Variants in MALRD1 observed in about 807,000 individuals in gnomAD.
MALRD1 encodes the protein MAM and LDL-receptor class A domain-containing protein 1.
A neutral mutation model predicts 242.1 loss-of-function variants in MALRD1; 247 were observed. That is an observed-to-expected ratio of 1.02 (90% confidence interval 0.92 to 1.13). MALRD1 has a LOEUF of 1.13. Among genes scored for constraint, MALRD1 ranks in the 50% most tolerant of loss-of-function variants. MALRD1 has a pLI of 0.00. For synonymous variants in MALRD1, 995 were observed against 866.6 expected (o/e 1.15, Z -2.60); for missense variants, 2,989 against 2,533.1 (o/e 1.18, Z -3.86).
At chr10:19,348,158 G>C (rs1844214789) in intron 25 of MALRD1, 140 bp downstream of exon 25, 2 of 1,200,424 alleles carry the variant, frequency 1.7e-6, no homozygotes, top group South Asian at 3.3e-5. Flanking sequence ...ATATGTGAAG[G>C]GGGGAAAAAA....
chr10:19,094,505 G>C (rs1054141195), intron 4 of MALRD1, among the ~76,000 whole-genome samples: 2 of 150,256 alleles, frequency 1.3e-5, no homozygotes, highest in African/African-American at 4.9e-5. Context: ...ACTCCCTAGT[G>C]AGATGAACCC....
At position 19,065,287 on chromosome 10, in the gene MALRD1, C is replaced by CAAAAAAAAAAA. The variant is rs1197670439; in HGVS notation, c.200-1420_200-1410dup. On this transcript the variant is annotated intron_variant, in intron 1 of 39. Transcript: ENST00000454679. ...GGGCAACAAGAGCAAAACGCTGTCT[C>CAAAAAAAAAAA]AAAAAAAAAAAAAAAAAAAAAAGGA... 2.3e-3 allele frequency among the ~76,000 whole-genome samples: 116 copies of CAAAAAAAAAAA among 50,600 alleles called. 3 individuals carry two copies. In the East Asian group the frequency reaches 0.024, roughly 10 times the overall value. The allele number at this position is 50,600 out of a possible 152,430, so 33.2% of individuals were successfully genotyped here.
At chr10:19,191,918 A>C (rs1414902778) in intron 14 of MALRD1, among the ~76,000 whole-genome samples, 1 of 152,084 alleles carries the variant, frequency 6.6e-6, no homozygotes, top group East Asian at 1.9e-4. Context: ...GAATTGCTTG[A>C]ACCTGGGAAG....
intron 36 of MALRD1, among the ~76,000 whole-genome samples, chr10:19,641,807 C>T (rs575706946): frequency 4.0e-4 from 61 of 152,038 alleles, no homozygotes; most frequent in Non-Finnish European, 8.1e-4. Context: ...AAATATTTCC[C>T]AGTCACTAGA....
chr10:19,481,029 T>C (rs1176800186), intron 29 of MALRD1, among the ~76,000 whole-genome samples: 1 of 152,218 alleles, frequency 6.6e-6, no homozygotes, highest in Non-Finnish European at 1.5e-5. Flanking sequence ...GCTTGGTATA[T>C]ATATATACTT....
chr10:19,732,506 G>A (rs1416823615), intron 39 of MALRD1, among the ~76,000 whole-genome samples: 4 of 152,070 alleles, frequency 2.6e-5, no homozygotes, highest in Non-Finnish European at 4.4e-5. Flanking sequence ...TAGGTGATCC[G>A]CCTTCCTTGG....
At chr10:19,338,861 G>GTA (rs772454548) in intron 24 of MALRD1, among the ~76,000 whole-genome samples, 33 of 148,938 alleles carry the variant, frequency 2.2e-4, no homozygotes, top group South Asian at 1.1e-3. Flanking sequence ...CTAACTATAT[G>GTA]TATATATATA....
At chr10:19,561,308 G>A (rs571938334) in intron 32 of MALRD1, among the ~76,000 whole-genome samples, 2 of 152,128 alleles carry the variant, frequency 1.3e-5, no homozygotes, top group East Asian at 3.9e-4. Context: ...GCTGTTTCTG[G>A]GTGAAGTACT....
chr10:19,048,691 T>C, upstream of MALRD1: 1 of 309,932 alleles, frequency 3.2e-6, no homozygotes, highest in Non-Finnish European at 5.9e-6. Context: ...CAGGGGGCAA[T>C]AATCATCTAT....
intron 11 of MALRD1, among the ~76,000 whole-genome samples, chr10:19,149,081 T>C (rs1353112986): frequency 8.2e-6 from 1 of 121,692 alleles, no homozygotes; most frequent in Non-Finnish European, 1.9e-5. Context: ...TCTGTCCATC[T>C]ATCTATCTAT....
At chr10:19,512,127 C>G (rs1379496229) in intron 31 of MALRD1, among the ~76,000 whole-genome samples, 5 of 152,048 alleles carry the variant, frequency 3.3e-5, no homozygotes, top group Admixed American at 6.5e-5. Flanking sequence ...GGCAGTCTTT[C>G]TCTAGTGTCA....
intron 10 of MALRD1, among the ~76,000 whole-genome samples, chr10:19,142,171 C>CAAAAAAAAAAAAAAAAAAAAAAA (rs529000033): frequency 3.8e-5 from 1 of 26,276 alleles, no homozygotes; most frequent in African/African-American, 1.7e-4. Flanking sequence ...GACTCTAACT[C>CAAAAAAAAAAAAAAAAAAAAAAA]AAAAAAAAAA....
intron 31 of MALRD1, among the ~76,000 whole-genome samples, chr10:19,514,931 T>G (rs1833561235): frequency 6.6e-6 from 1 of 152,158 alleles, no homozygotes; most frequent in African/African-American, 2.4e-5. Flanking sequence ...TTTGGAAGAC[T>G]TAAAAATAAT....
At chr10:19,583,655 T>C (rs1837242100) in intron 33 of MALRD1, among the ~76,000 whole-genome samples, 1 of 152,144 alleles carries the variant, frequency 6.6e-6, no homozygotes, top group African/African-American at 2.4e-5. Flanking sequence ...TTTGCATCAA[T>C]GTTCATCAAG....
At chr10:19,729,819 C>G (rs1194074707) in intron 38 of MALRD1, among the ~76,000 whole-genome samples, 1 of 139,334 alleles carries the variant, frequency 7.2e-6, no homozygotes, top group East Asian at 2.2e-4. Context: ...TCACTGCAAG[C>G]TCCGCCTCCC....
chr10:19,341,792 A>C (rs1843892206), intron 24 of MALRD1, among the ~76,000 whole-genome samples: 1 of 152,058 alleles, frequency 6.6e-6, no homozygotes, highest in Admixed American at 6.6e-5. Context: ...AAAAAAACAA[A>C]GACATTTTTA....
At chr10:19,170,312 T>C (rs913602702) in intron 13 of MALRD1, among the ~76,000 whole-genome samples, 1 of 151,780 alleles carries the variant, frequency 6.6e-6, no homozygotes, top group Non-Finnish European at 1.5e-5. Flanking sequence ...CCCCTAACTA[T>C]TGTGCTGTTT....
upstream of MALRD1, among the ~76,000 whole-genome samples, chr10:19,047,548 A>G (rs1220778574): frequency 6.6e-6 from 1 of 152,112 alleles, no homozygotes; most frequent in South Asian, 2.1e-4. Flanking sequence ...AACTATAAGG[A>G]TAGTCAGCAT....
intron 28 of MALRD1, among the ~76,000 whole-genome samples, chr10:19,417,473 C>G (rs931333373): frequency 3.9e-5 from 6 of 152,030 alleles, no homozygotes; most frequent in Admixed American, 6.6e-5. Context: ...GGAGAGGGGA[C>G]TATTTGGTAC....
Sources: gnomAD v4.1 joint callset for allele counts (sites outside exome capture counted in the v4.1 genomes callset) on GRCh38, gnomAD v4.1.1 for gene constraint, MANE v1.5 for transcripts, NCBI Gene and HGNC (gene_info 2026-07-23, HGNC 2026-07-21) for gene names.